The following TEX11 variants were observed in gnomAD, a reference collection of about 807,000 sequenced individuals.
TEX11 encodes testis-expressed protein 11.
A neutral mutation model predicts 84.4 loss-of-function variants in TEX11; 7 were observed. The ratio of observed to expected loss-of-function variants is 0.08; its 90% CI spans 0.05 to 0.16. The LOEUF (loss-of-function observed/expected upper bound fraction) is 0.16. Ranked by LOEUF, TEX11 falls within the 10% of genes least tolerant of loss-of-function variation. The probability of loss-of-function intolerance (pLI) is 1.00; values close to 1 mark genes in which losing one functional copy is unlikely to be tolerated. For synonymous variants in TEX11, 264 were observed against 222.8 expected (o/e 1.18, Z -1.64); for missense variants, 551 against 660.5 (o/e 0.83, Z 1.82).
At chrX:70,571,001 G>A (rs867770723) in intron 25 of TEX11, among the ~76,000 whole-genome samples, 6 of 104,867 alleles carry the variant, frequency 5.7e-5, no homozygotes, top group African/African-American at 2.0e-4. Context: ...TAGCTTTGTT[G>A]ATTTTCTGTG....
At chrX:70,764,433 A>G (rs1469875826) in intron 9 of TEX11, among the ~76,000 whole-genome samples, 1 of 111,967 alleles carries the variant, frequency 8.9e-6, no homozygotes, top group Non-Finnish European at 1.9e-5. Context: ...AAAAGCAAGA[A>G]CAAACCAAAC....
At chrX:70,750,931 A>ATATATATATAT (rs1330223404) in intron 9 of TEX11, among the ~76,000 whole-genome samples, 112 of 21,860 alleles carry the variant, frequency 5.1e-3, no homozygotes, top group South Asian at 8.6e-3. Context: ...TAAAAAAAAA[A>ATATATATATAT]AAATATATAT....
chrX:70,530,203 G>A (rs1408857088), intron 28 of TEX11, among the ~76,000 whole-genome samples: 1 of 111,503 alleles, frequency 9.0e-6, no homozygotes, highest in Non-Finnish European at 1.9e-5. Flanking sequence ...AAGATCTCAT[G>A]AAGAGACGTA....
intron 5 of TEX11, chrX:70,857,641 G>C (rs1474810329): frequency 3.6e-6 from 1 of 274,639 alleles, no homozygotes; most frequent in Non-Finnish European, 6.9e-6. Flanking sequence ...ATATCAGAAG[G>C]ACTAGACCCA....
At chrX:70,725,969 C>A (rs1004854863) in intron 11 of TEX11, among the ~76,000 whole-genome samples, 2 of 112,094 alleles carry the variant, frequency 1.8e-5, no homozygotes, top group South Asian at 7.5e-4. Context: ...TAGCTCCATA[C>A]TCTGCACATA....
chrX:70,640,113 C>A (rs1196699233), intron 17 of TEX11, among the ~76,000 whole-genome samples: 1 of 109,057 alleles, frequency 9.2e-6, no homozygotes, highest in Admixed American at 9.8e-5. Context: ...CGAGAACTAC[C>A]TGAAGAATGC....
chrX:70,682,717 C>T lies in TEX11; in HGVS notation c.1113G>A (p.Lys371=), dbSNP rs780211256. The change falls in exon 14 of 30, where the codon AAG becomes AAA. Residue 371 remains lysine (K), a synonymous_variant. Transcript: ENST00000374333. ...ILHTDMLLQR[K]EELLAKEKIE... ...TCTTCTCCTTGGCAAGAAGTTCTTC[C>T]TTCCTTTGTAAAAGCATGTCAGTAT... 1.7e-5 allele frequency: 20 copies of T among 1,210,212 alleles called. No individual in the cohort carries two copies. The South Asian group carries it at 3.4e-4, about 20-fold the overall frequency.
At chrX:70,651,649 A>C (rs2089812890) in intron 16 of TEX11, 97 bp from the exon 17 acceptor site, 6 of 541,545 alleles carry the variant, frequency 1.1e-5, no homozygotes, top group Admixed American at 7.5e-5. Context: ...TGGCTGAGGG[A>C]TACTCACAAT....
At chrX:70,703,436 G>A (rs2090342672) in intron 13 of TEX11, among the ~76,000 whole-genome samples, 1 of 111,115 alleles carries the variant, frequency 9.0e-6, no homozygotes, top group Non-Finnish European at 1.9e-5. Context: ...CAGGCCTACT[G>A]ATCCTAGAGC....
chrX:70,607,893 A>G (rs2089213269), intron 22 of TEX11, among the ~76,000 whole-genome samples: 1 of 111,964 alleles, frequency 8.9e-6, no homozygotes, highest in South Asian at 3.7e-4. Context: ...AATGTTTGTT[A>G]TTTTTCATTA....
chrX:70,800,892 T>C (rs1166234476), intron 9 of TEX11, among the ~76,000 whole-genome samples: 2 of 110,934 alleles, frequency 1.8e-5, no homozygotes, highest in African/African-American at 6.5e-5. Flanking sequence ...ATTACTTATG[T>C]AAATGTCAAC....
chrX:70,811,536 T>C (rs2091254410), intron 8 of TEX11, among the ~76,000 whole-genome samples: 1 of 111,922 alleles, frequency 8.9e-6, no homozygotes. Flanking sequence ...TTTGGGTATA[T>C]ACCCAGTAAT....
chrX:70,582,721 C>CACTT (rs2088793432), intron 25 of TEX11, among the ~76,000 whole-genome samples: 1 of 48,243 alleles, frequency 2.1e-5, no homozygotes, highest in African/African-American at 8.8e-5. Flanking sequence ...CTCCTATGTA[C>CACTT]ATTTATTTAT....
intron 9 of TEX11, among the ~76,000 whole-genome samples, chrX:70,752,449 C>G (rs1469559453): frequency 1.0e-5 from 1 of 95,893 alleles, no homozygotes; most frequent in East Asian, 3.6e-4. Context: ...TGCTTGAACC[C>G]GGGGGGCGGA....
chrX:70,682,999 T>C (rs1459136615), intron 13 of TEX11, among the ~76,000 whole-genome samples, 174 bp from the exon 14 acceptor site: 3 of 111,976 alleles, frequency 2.7e-5, no homozygotes, highest in Non-Finnish European at 3.8e-5. Flanking sequence ...CATGATTTAA[T>C]TTAATTTCAG....
chrX:70,887,931 G>C (rs2091718482), intron 2 of TEX11, among the ~76,000 whole-genome samples: 1 of 112,863 alleles, frequency 8.9e-6, no homozygotes, highest in Non-Finnish European at 1.9e-5. Context: ...CCTCTGCTGG[G>C]TAATCTAGAG....
At chrX:70,570,595 T>G (rs147532580) in intron 25 of TEX11, among the ~76,000 whole-genome samples, 30 of 112,594 alleles carry the variant, frequency 2.7e-4, no homozygotes, top group African/African-American at 7.4e-4. Flanking sequence ...TTTGGAATAA[T>G]GTACTGGTAA....
intron 5 of TEX11, among the ~76,000 whole-genome samples, chrX:70,859,937 A>C (rs1490201785): frequency 9.0e-6 from 1 of 111,497 alleles, no homozygotes; most frequent in Non-Finnish European, 1.9e-5. Flanking sequence ...AATTGCTTGA[A>C]CCCAGGAGAT....
At chrX:70,803,151 CA>C (rs1217781545) in intron 9 of TEX11, among the ~76,000 whole-genome samples, 1 of 111,523 alleles carries the variant, frequency 9.0e-6, no homozygotes, top group Admixed American at 9.6e-5. Context: ...AACAAACAAA[CA>C]AAAAAACTCT....
Sources: allele counts gnomAD v4.1 joint callset (sites outside exome capture counted in the v4.1 genomes callset), GRCh38; gene constraint gnomAD v4.1.1; transcripts MANE v1.5; gene names NCBI Gene and HGNC (gene_info 2026-07-23, HGNC 2026-07-21).